Variants in UHRF2 observed in about 807,000 individuals in gnomAD.
UHRF2 encodes E3 ubiquitin-protein ligase UHRF2.
A neutral mutation model predicts 96.8 loss-of-function variants in UHRF2; 23 were observed. That is an observed-to-expected ratio of 0.24 (90% CI 0.17 to 0.34). The LOEUF is 0.34. Among genes scored for constraint, UHRF2 ranks in the 10% least tolerant of loss-of-function variants. The pLI, the probability that UHRF2 is intolerant of heterozygous loss-of-function variation, is 1.00. For synonymous variants in UHRF2, 385 were observed against 332.6 expected (o/e 1.16, Z -1.72); for missense variants, 685 against 981.5 (o/e 0.70, Z 4.04).
chr9:6,433,515 T>G (rs1282514196), intron 2 of UHRF2, among the ~76,000 whole-genome samples: 1 of 152,192 alleles, frequency 6.6e-6, no homozygotes, highest in East Asian at 1.9e-4. Context: ...TAAGTTATCT[T>G]TAGGATTATG....
chr9:6,506,021 T>C lies in UHRF2; in HGVS notation c.2263-12T>C. The C allele has an allele frequency of 1.2e-6, 2 of 1,613,740 alleles. No individual in the cohort carries two copies. Among genetic ancestry groups the C allele is most frequent in the Non-Finnish European group, 1.7e-6 (2 of 1,179,876 alleles). ...GCTCAGATTAAATTGGATGTTTTTG[T>C]TTTTACCATAGGATTGCCTACAGCG... On this transcript the variant is annotated splice_polypyrimidine_tract_variant and intron_variant, in intron 15 of 15. Coordinates refer to ENST00000276893, the MANE Select transcript of UHRF2 (RefSeq NM_152896.3).
At chr9:6,422,289 T>G (rs1447610190) in intron 2 of UHRF2, among the ~76,000 whole-genome samples, 1 of 152,028 alleles carries the variant, frequency 6.6e-6, no homozygotes, top group East Asian at 1.9e-4. Flanking sequence ...ACCATTTTGG[T>G]CAGGCTGGTC....
chr9:6,413,747 C>T (rs2130692944), intron 1 of UHRF2, 104 bp downstream of exon 1: 1 of 1,281,932 alleles, frequency 7.8e-7, no homozygotes, highest in Non-Finnish European at 9.9e-7. Context: ...GCGCAGGGCT[C>T]ACCTGGCTCC....
At chr9:6,457,869 G>A (rs1822277128) in intron 3 of UHRF2, among the ~76,000 whole-genome samples, 2 of 152,204 alleles carry the variant, frequency 1.3e-5, no homozygotes, top group African/African-American at 4.8e-5. Flanking sequence ...TTTGATCGTG[G>A]TGGATAAGCT....
chr9:6,414,502 CAGTCTA>C (rs1270304152), intron 1 of UHRF2, among the ~76,000 whole-genome samples: 8 of 152,090 alleles, frequency 5.3e-5, no homozygotes, highest in African/African-American at 1.9e-4. Flanking sequence ...ATGGTCTGGC[CAGTCTA>C]AGTTTTTTTC....
chr9:6,436,015 T>A (rs978066960), intron 3 of UHRF2, among the ~76,000 whole-genome samples: 1 of 152,214 alleles, frequency 6.6e-6, no homozygotes, highest in African/African-American at 2.4e-5. Flanking sequence ...AAAATTGTAG[T>A]ACGAAAGTTA....
intron 3 of UHRF2, among the ~76,000 whole-genome samples, chr9:6,439,273 C>T (rs912034905): frequency 2.0e-5 from 3 of 152,164 alleles, no homozygotes; most frequent in Admixed American, 1.3e-4. Flanking sequence ...CAACTTCTGT[C>T]TCCCGGGTTC....
In UHRF2 at chr9:6,506,038, C is replaced by T. The variant is rs33962342; in HGVS notation, c.2268C>T (p.Cys756=). ...TGTTTTTGTTTTTACCATAGGATTG[C>T]CTACAGCGCTCCTTTAAGGCACAGG... ...TECFHNVCKD[C]LQRSFKAQVF... is the part of the protein sequence containing the mutation. The change falls in exon 16 of 16, where the codon TGC becomes TGT. Residue 756 remains cysteine, a synonymous_variant. Coordinates refer to ENST00000276893, the MANE Select transcript of UHRF2 (RefSeq NM_152896.3). The T allele has an allele frequency of 0.12, 193,699 of 1,613,824 alleles. 13,305 individuals are homozygous for T. Among genetic ancestry groups the T allele is most frequent in the East Asian group, 0.29 (12,881 of 44,852 alleles).
intron 3 of UHRF2, chr9:6,449,457 C>A (rs752779636): frequency 6.6e-6 from 1 of 152,238 alleles, no homozygotes; most frequent in African/African-American, 2.4e-5. Context: ...GCCTAGTTCT[C>A]CTTTCTTTCC....
intron 3 of UHRF2, among the ~76,000 whole-genome samples, chr9:6,442,566 C>A (rs567422801): frequency 6.6e-6 from 1 of 152,198 alleles, no homozygotes; most frequent in African/African-American, 2.4e-5. Context: ...GCAGCCTCGA[C>A]TTTCTGGGCT....
intron 3 of UHRF2, among the ~76,000 whole-genome samples, chr9:6,438,329 G>C (rs1820970612): frequency 6.6e-6 from 1 of 152,180 alleles, no homozygotes; most frequent in African/African-American, 2.4e-5. Flanking sequence ...ACTGCAAAGA[G>C]AATCTATGAA....
At chr9:6,457,074 A>G (rs1474988467) in intron 3 of UHRF2, among the ~76,000 whole-genome samples, 2 of 152,216 alleles carry the variant, frequency 1.3e-5, no homozygotes, top group African/African-American at 2.4e-5. Flanking sequence ...TGGGGACAGC[A>G]TTGAATCTAT....
intron 3 of UHRF2, among the ~76,000 whole-genome samples, chr9:6,455,921 C>A (rs1282635189): frequency 2.0e-5 from 3 of 152,120 alleles, no homozygotes; most frequent in Non-Finnish European, 2.9e-5. Flanking sequence ...GAGGCCAAGG[C>A]TGCAGCGGGC....
At chr9:6,442,477 G>GT (rs113583280) in intron 3 of UHRF2, among the ~76,000 whole-genome samples, 2,584 of 11,916 alleles carry the variant, frequency 0.22, 73 homozygotes, top group South Asian at 0.26. Context: ...GTTTTGTTTT[G>GT]TTTGTTTTGT....
At chr9:6,489,551 G>A (rs1273970148) in intron 9 of UHRF2, among the ~76,000 whole-genome samples, 1 of 152,162 alleles carries the variant, frequency 6.6e-6, no homozygotes, top group East Asian at 1.9e-4. Context: ...GAGTGATCCA[G>A]TTTCTCTGCA....
chr9:6,482,170 T>C (rs1823966469), intron 8 of UHRF2, 71 bp downstream of exon 8: 2 of 1,217,622 alleles, frequency 1.6e-6, no homozygotes, highest in Non-Finnish European at 2.4e-6. Flanking sequence ...TAATGTCTGT[T>C]GATTGTAAGT....
rs971896300 is a variant in UHRF2, at chr9:6,498,143, A to G, written c.1893A>G (p.Leu631=). ...TSEGIERSRR[L]CLRLQYPAGY... ...AAGGAATAGAACGGTCAAGGAGATT[A>G]TGTCTACGTTTACAGGTTAGATTAC... Residue 631 remains leucine (L), a synonymous_variant, in exon 12 of 16, where the codon TTA becomes TTG. Transcript: ENST00000276893. 1.9e-6 allele frequency: 3 copies of G among 1,613,504 alleles called. No homozygotes were observed. In the African/African-American group the frequency reaches 4.0e-5, roughly 22 times the overall value.
chr9:6,428,274 T>TA (rs1341725317), intron 2 of UHRF2, among the ~76,000 whole-genome samples: 4 of 152,158 alleles, frequency 2.6e-5, no homozygotes, highest in Admixed American at 2.0e-4. Flanking sequence ...TCACTGTCTA[T>TA]AAACACCATC....
chr9:6,504,197 T>C (rs1322448397), intron 14 of UHRF2, among the ~76,000 whole-genome samples: 1 of 151,944 alleles, frequency 6.6e-6, no homozygotes, highest in Non-Finnish European at 1.5e-5. Context: ...AGATAATTTT[T>C]TGTATTTTTA....
Sources: gnomAD v4.1 joint callset for allele counts (sites outside exome capture counted in the v4.1 genomes callset) on GRCh38, gnomAD v4.1.1 for gene constraint, MANE v1.5 for transcripts, NCBI Gene and HGNC (gene_info 2026-07-23, HGNC 2026-07-21) for gene names.